Variants in TMED6 observed in about 807,000 individuals in gnomAD.
The protein encoded by TMED6 is transmembrane emp24 domain-containing protein 6.
In TMED6, 17 loss-of-function variants were observed where a neutral mutation model predicts 26.5. The ratio of observed to expected loss-of-function variants is 0.64; its 90% CI spans 0.44 to 0.96. The LOEUF (loss-of-function observed/expected upper bound fraction) is 0.96, where lower values mean the gene tolerates loss of function less well. TMED6 is among the 40% of genes least tolerant of loss of function. TMED6 has a pLI of 0.00. For missense variants in TMED6, 309 were observed against 296.5 expected (o/e 1.04, Z -0.31); for synonymous variants, 107 against 106.2 (o/e 1.01, Z -0.04).
chr16:69,347,122 A>G (rs1287909316), intron 3 of TMED6, among the ~76,000 whole-genome samples: 1 of 152,142 alleles, frequency 6.6e-6, no homozygotes, highest in African/African-American at 2.4e-5. Context: ...GAGAATGACT[A>G]ATGGGGAGTG....
intron 1 of TMED6, 135 bp downstream of exon 1, chr16:69,351,406 G>T: frequency 1.3e-6 from 1 of 767,634 alleles, no homozygotes; most frequent in Non-Finnish European, 2.1e-6. Flanking sequence ...TCTAACTGCA[G>T]GTCCATTTCA....
intron 2 of TMED6, among the ~76,000 whole-genome samples, chr16:69,348,635 T>C (rs77393065): frequency 2.0e-5 from 3 of 151,790 alleles, no homozygotes; most frequent in Non-Finnish European, 4.4e-5. Context: ...TTTTTTTTTT[T>C]AGACGAGTCT....
At chr16:69,346,876 C>T (rs1398240993) in intron 3 of TMED6, among the ~76,000 whole-genome samples, 4 of 152,120 alleles carry the variant, frequency 2.6e-5, no homozygotes, top group Non-Finnish European at 5.9e-5. Flanking sequence ...CACAGTAGCT[C>T]ATAATGCTGA....
intron 2 of TMED6, 112 bp downstream of exon 2, chr16:69,349,413 A>T: frequency 7.4e-7 from 1 of 1,351,680 alleles, no homozygotes; most frequent in Non-Finnish European, 1.0e-6. Flanking sequence ...TTTTGGTGTT[A>T]AAGGCTGAAT....
chr16:69,344,191 A>G (rs2012642386), intron 3 of TMED6, among the ~76,000 whole-genome samples: 1 of 152,192 alleles, frequency 6.6e-6, no homozygotes, highest in African/African-American at 2.4e-5. Flanking sequence ...GCTCTTCCAG[A>G]GGACCTCTAG....
At chr16:69,349,456 T>C in intron 2 of TMED6, 69 bp downstream of exon 2, 14 of 1,550,596 alleles carry the variant, frequency 9.0e-6, no homozygotes, top group Non-Finnish European at 1.2e-5. Flanking sequence ...CTCTGTATAC[T>C]TCCTCATTAT....
At chr16:69,347,285 G>C (rs1258985861) in intron 3 of TMED6, among the ~76,000 whole-genome samples, 3 of 152,174 alleles carry the variant, frequency 2.0e-5, no homozygotes, top group Non-Finnish European at 4.4e-5. Flanking sequence ...AACAGGCAAT[G>C]GGCCAGATTT....
rs200486812 is a variant in TMED6 at position 69,351,778 on chromosome 16, A to G, written c.-25T>C. On this transcript the variant is annotated 5_prime_UTR_variant, in exon 1 of 4. Coordinates refer to ENST00000288025, the MANE Select transcript of TMED6 (RefSeq NM_144676.4). ...TGCCGCTTTCTGGAGCCTCCTCTGC[A>G]GGTGAACTGCTCGCAGCCCAGGGAA... The G allele has an allele frequency of 1.4e-5, 22 of 1,606,644 alleles. No individual in the cohort carries two copies. In the East Asian group the frequency reaches 4.9e-4, roughly 36 times the overall value.
chr16:69,349,482 G>A lies in TMED6; in HGVS notation c.340+43C>T. The stretch of plus-strand genomic sequence containing the variant: ...TCCTCATTATTTCTGTAATTTCATA[G>A]GACCCTATGATTATTATAATAGCCA... On this transcript the variant is annotated intron_variant, in intron 2 of 3. Coordinates refer to ENST00000288025, the MANE Select transcript of TMED6 (RefSeq NM_144676.4). 2 of 1,590,170 alleles carry A rather than the reference G, an allele frequency of 1.3e-6. 1 individual carries two copies. Among genetic ancestry groups the A allele is most frequent in the South Asian group, 2.2e-5 (2 of 89,782 alleles).
intron 3 of TMED6, among the ~76,000 whole-genome samples, chr16:69,346,118 G>T (rs1567437136): frequency 6.6e-6 from 1 of 152,184 alleles, no homozygotes; most frequent in Admixed American, 6.5e-5. Flanking sequence ...CACCCACTAG[G>T]ATGACTGTAA....
chr16:69,351,162 CCTT>C (rs1451002344), intron 1 of TMED6, among the ~76,000 whole-genome samples: 1 of 152,190 alleles, frequency 6.6e-6, no homozygotes, highest in East Asian at 1.9e-4. Context: ...GCTGAAGCAG[CCTT>C]CTTTGAAATC....
At chr16:69,346,491 C>T (rs1289143678) in intron 3 of TMED6, among the ~76,000 whole-genome samples, 1 of 152,140 alleles carries the variant, frequency 6.6e-6, no homozygotes, top group Admixed American at 6.5e-5. Flanking sequence ...TGGCTGGGCG[C>T]GGTGGCTCAT....
At chr16:69,345,649 C>T (rs1375567833) in intron 3 of TMED6, among the ~76,000 whole-genome samples, 1 of 138,194 alleles carries the variant, frequency 7.2e-6, no homozygotes, top group African/African-American at 2.8e-5. Flanking sequence ...CACCACTGCA[C>T]TCCAGCCTGG....
At chr16:69,343,687 A>AG in intron 3 of TMED6, 47 bp from the exon 4 acceptor site, 1 of 1,554,764 alleles carries the variant, frequency 6.4e-7, no homozygotes, top group Non-Finnish European at 8.9e-7. Context: ...ACCCCCATCT[A>AG]GCCTCACCTG....
chr16:69,345,928 C>G (rs1278181735), intron 3 of TMED6, among the ~76,000 whole-genome samples: 1 of 152,168 alleles, frequency 6.6e-6, no homozygotes, highest in African/African-American at 2.4e-5. Context: ...GCTATCCTAC[C>G]TCAGCCTCAC....
chr16:69,346,657 G>C (rs2012691567), intron 3 of TMED6, among the ~76,000 whole-genome samples: 1 of 152,038 alleles, frequency 6.6e-6, no homozygotes, highest in African/African-American at 2.4e-5. Context: ...CCAGCTACTT[G>C]GGAGGAGGAG....
intron 2 of TMED6, among the ~76,000 whole-genome samples, chr16:69,348,609 A>AAG (rs1436244326): frequency 6.6e-6 from 1 of 151,982 alleles, no homozygotes; most frequent in Non-Finnish European, 1.5e-5. Context: ...GTAGGGGCCA[A>AAG]AGATGTTCAA....
At chr16:69,350,874 C>T (rs1431831135) in intron 1 of TMED6, among the ~76,000 whole-genome samples, 1 of 152,004 alleles carries the variant, frequency 6.6e-6, no homozygotes, top group Non-Finnish European at 1.5e-5. Context: ...ACTATGTAAA[C>T]AAAAATTAGA....
intron 1 of TMED6, 49 bp downstream of exon 1, chr16:69,351,486 TTATGAG>T: frequency 6.4e-7 from 1 of 1,558,400 alleles, no homozygotes; most frequent in Non-Finnish European, 8.8e-7. Context: ...CTGACCCACT[TTATGAG>T]TAAAGGAGAA....
Sources: allele counts gnomAD v4.1 joint callset (sites outside exome capture counted in the v4.1 genomes callset), GRCh38; gene constraint gnomAD v4.1.1; transcripts MANE v1.5; gene names NCBI Gene and HGNC (gene_info 2026-07-23, HGNC 2026-07-21).